ST8SIA1: variants seen among roughly 807,000 people sequenced by gnomAD.
The protein encoded by ST8SIA1 is alpha-N-acetylneuraminide alpha-2,8-sialyltransferase.
ST8SIA1 carries 16 observed loss-of-function variants against 35.9 expected under a neutral mutation model. The observed-to-expected ratio is 0.45, with a 90% CI of 0.30 to 0.68. The LOEUF (loss-of-function observed/expected upper bound fraction) is 0.68, where lower values mean the gene tolerates loss of function less well. Ranked by LOEUF, ST8SIA1 falls within the 30% of genes least tolerant of loss-of-function variation. The pLI is 0.09. For synonymous variants in ST8SIA1, 170 were observed against 169.6 expected (o/e 1.00, Z -0.02); for missense variants, 383 against 453.6 (o/e 0.84, Z 1.41).
chr12:22,223,227 T>C (rs1286484505), intron 4 of ST8SIA1: 3 of 152,366 alleles, frequency 2.0e-5, no homozygotes, highest in African/African-American at 7.2e-5. Flanking sequence ...TGTTTTGTCC[T>C]CTATATTTTA....
chr12:22,296,497 C>T (rs529366330), intron 1 of ST8SIA1, among the ~76,000 whole-genome samples: 4 of 152,276 alleles, frequency 2.6e-5, no homozygotes, highest in South Asian at 2.1e-4. Context: ...CTGTCCTATC[C>T]ACAGCAAAGT....
intron 1 of ST8SIA1, chr12:22,324,832 G>A (rs1306344875): frequency 6.6e-6 from 1 of 151,840 alleles, no homozygotes; most frequent in Non-Finnish European, 1.5e-5. Context: ...TTTTTTTAAA[G>A]TATTTTTATG....
Position 22,201,445 on chromosome 12 carries a change from C to T in ST8SIA1, c.*107G>A. 7.0e-7 allele frequency: 1 copy of T among 1,432,802 alleles called. No homozygotes were observed. Among genetic ancestry groups the T allele is most frequent in the Non-Finnish European group, 9.3e-7 (1 of 1,072,248 alleles). 88.8% of individuals were successfully genotyped at this position (1,432,802 alleles called of 1,614,324 possible). A position where few individuals can be genotyped will look rare whatever the true frequency, so the allele number is the denominator to read the frequency against. ...TCTTCATTGCTCCTTTCCTGTTTTT[C>T]CAAGGGCCCATGCAAACTCATGAAA... On this transcript the variant is annotated 3_prime_UTR_variant, in exon 5 of 5. Transcript: ENST00000396037.
intron 4 of ST8SIA1, among the ~76,000 whole-genome samples, chr12:22,236,569 A>C (rs1865477959): frequency 6.6e-6 from 1 of 152,190 alleles, no homozygotes; most frequent in Non-Finnish European, 1.5e-5. Flanking sequence ...CCAGTGGCAT[A>C]TCGGCATATC....
At chr12:22,280,182 A>T (rs977062327) in intron 2 of ST8SIA1, among the ~76,000 whole-genome samples, 1 of 152,252 alleles carries the variant, frequency 6.6e-6, no homozygotes, top group Non-Finnish European at 1.5e-5. Context: ...GCATATTAAT[A>T]GAAATGAAAC....
intron 1 of ST8SIA1, among the ~76,000 whole-genome samples, chr12:22,292,109 A>G (rs1866183701): frequency 6.6e-6 from 1 of 150,772 alleles, no homozygotes; most frequent in Non-Finnish European, 1.5e-5. Context: ...CCATTTAGAC[A>G]ATGAGATTTT....
At position 22,201,337 on chromosome 12, in the gene ST8SIA1, C is replaced by A; in HGVS notation, c.*215G>T. On this transcript the variant is annotated 3_prime_UTR_variant, in exon 5 of 5. Coordinates refer to ENST00000396037, the MANE Select transcript of ST8SIA1 (RefSeq NM_003034.4). ...CAGCATTTTACTAGTTGCAAATCTG[C>A]CATGTGCTATAAAGTATTTCATAGG... 1.9e-6 allele frequency: 1 copy of A among 532,902 alleles called. No homozygotes were observed. The highest frequency in any genetic ancestry group is 3.1e-6 in the Non-Finnish European group (1 of 321,076). The allele number at this position is 532,902 out of a possible 1,614,324, so 33.0% of individuals were successfully genotyped here. A position where few individuals can be genotyped will look rare whatever the true frequency, so the allele number is the denominator to read the frequency against.
At chr12:22,307,867 C>G (rs1028866285) in intron 1 of ST8SIA1, among the ~76,000 whole-genome samples, 2 of 152,146 alleles carry the variant, frequency 1.3e-5, no homozygotes, top group African/African-American at 4.8e-5. Flanking sequence ...TTATCCTTTT[C>G]AAGCTTAACT....
chr12:22,235,736 G>A (rs16924815), intron 4 of ST8SIA1, among the ~76,000 whole-genome samples: 7,307 of 152,224 alleles, frequency 0.048, 609 homozygotes, highest in African/African-American at 0.17. Context: ...GTTCCAAAAG[G>A]GGTATGCAGT....
intron 3 of ST8SIA1, among the ~76,000 whole-genome samples, chr12:22,253,597 T>C (rs568553823): frequency 5.9e-5 from 9 of 152,310 alleles, no homozygotes; most frequent in Middle Eastern, 3.4e-3. Flanking sequence ...AAATCCACTA[T>C]AGAATTGTTC....
intron 1 of ST8SIA1, among the ~76,000 whole-genome samples, chr12:22,296,046 T>C (rs1866238929): frequency 6.6e-6 from 1 of 152,192 alleles, no homozygotes; most frequent in African/African-American, 2.4e-5. Context: ...CGTGTGATAG[T>C]GGTCTGTTTT....
intron 2 of ST8SIA1, among the ~76,000 whole-genome samples, chr12:22,255,870 C>T (rs1037343591): frequency 3.9e-5 from 6 of 152,144 alleles, no homozygotes; most frequent in Non-Finnish European, 8.8e-5. Context: ...ACAGAAGTCA[C>T]AGGCCTGAGG....
At chr12:22,280,130 T>C (rs1412785572) in intron 2 of ST8SIA1, among the ~76,000 whole-genome samples, 1 of 152,232 alleles carries the variant, frequency 6.6e-6, no homozygotes, top group Admixed American at 6.5e-5. Flanking sequence ...AATATGTCTA[T>C]GCATTTAAGC....
chr12:22,312,135 C>A (rs950465071), intron 1 of ST8SIA1, among the ~76,000 whole-genome samples: 3 of 151,920 alleles, frequency 2.0e-5, no homozygotes, highest in African/African-American at 7.3e-5. Context: ...ATAAAACCCT[C>A]CCTCTCCTCT....
chr12:22,254,467 C>CT (rs1006550213), intron 3 of ST8SIA1, among the ~76,000 whole-genome samples: 5 of 152,128 alleles, frequency 3.3e-5, no homozygotes, highest in African/African-American at 1.2e-4. Context: ...AGGTGTGTTA[C>CT]TTTACACCCT....
intron 3 of ST8SIA1, 56 bp downstream of exon 3, chr12:22,255,224 G>A: frequency 7.1e-7 from 1 of 1,400,554 alleles, no homozygotes; most frequent in Non-Finnish European, 1.0e-6. Flanking sequence ...GGGCTTATGG[G>A]AGGGGTGGGG....
chr12:22,325,278 T>C (rs1227644791), intron 1 of ST8SIA1: 1 of 580,454 alleles, frequency 1.7e-6, no homozygotes, highest in East Asian at 2.9e-5. Flanking sequence ...CAAGATGTAG[T>C]GGGACGAAAG....
At chr12:22,319,726 G>C (rs1486444260) in intron 1 of ST8SIA1, among the ~76,000 whole-genome samples, 1 of 152,116 alleles carries the variant, frequency 6.6e-6, no homozygotes, top group Non-Finnish European at 1.5e-5. Flanking sequence ...ATTGAGAATG[G>C]GGATTCTTCC....
At chr12:22,305,142 CTTTA>C (rs1866369018) in intron 1 of ST8SIA1, among the ~76,000 whole-genome samples, 1 of 152,110 alleles carries the variant, frequency 6.6e-6, no homozygotes, top group African/African-American at 2.4e-5. Flanking sequence ...TAATATATCT[CTTTA>C]TTTATGTGCT....
Sources: allele counts gnomAD v4.1 joint callset (sites outside exome capture counted in the v4.1 genomes callset), GRCh38; gene constraint gnomAD v4.1.1; transcripts MANE v1.5; gene names NCBI Gene and HGNC (gene_info 2026-07-23, HGNC 2026-07-21).